COL26A1: variants seen among roughly 807,000 people sequenced by gnomAD.
COL26A1 encodes collagen type XXVI alpha 1 chain, also known as collagen alpha-1(XXVI) chain.
A neutral mutation model predicts 59.3 loss-of-function variants in COL26A1; 41 were observed. That is an observed-to-expected ratio of 0.69 (90% CI 0.54 to 0.90). COL26A1 has a LOEUF of 0.90. Ranked by LOEUF, COL26A1 falls within the 40% of genes least tolerant of loss-of-function variation. The probability of loss-of-function intolerance (pLI) is 0.00; values close to 1 mark genes in which losing one functional copy is unlikely to be tolerated. For synonymous variants in COL26A1, 266 were observed against 256.0 expected, an observed-to-expected ratio of 1.04 and a Z score of -0.37; for missense variants, 612 against 602.3, an observed-to-expected ratio of 1.02 and a Z score of -0.17.
At chr7:101,508,976 G>A (rs900771419) in intron 3 of COL26A1, among the ~76,000 whole-genome samples, 1 of 152,164 alleles carries the variant, frequency 6.6e-6, no homozygotes, top group Non-Finnish European at 1.5e-5. Flanking sequence ...CTGCACTCTA[G>A]TCTGAGTGAG....
At chr7:101,386,190 TTCTGAATTGTGTATCTCC>T (rs1426824916) in intron 1 of COL26A1, among the ~76,000 whole-genome samples, 1 of 151,664 alleles carries the variant, frequency 6.6e-6, no homozygotes, top group Non-Finnish European at 1.5e-5. Context: ...CCAGACTGCA[TTCTGAATTGTGTATCTCC>T]TGCCGAGTGT....
Position 101,366,286 on chromosome 7 carries a change from T to C in COL26A1, c.158+3096T>C, listed in dbSNP as rs1044827641. Among the ~76,000 whole-genome samples, 4 of 152,250 alleles carry C rather than the reference T, an allele frequency of 2.6e-5. No individual in the cohort carries two copies. In the South Asian group the frequency reaches 6.2e-4, roughly 24 times the overall value. On this transcript the variant is annotated intron_variant, in intron 1 of 12. Coordinates refer to ENST00000313669, the MANE Select transcript of COL26A1 (RefSeq NM_001278563.3). ...TGTCTCATGAGCTATCTATCACAAG[T>C]GTCCCTTGTCCTTGAGATCCAAGAT... is the stretch of plus-strand genomic sequence containing the variant.
At chr7:101,472,775 C>A (rs966587011) in intron 3 of COL26A1, among the ~76,000 whole-genome samples, 1 of 148,292 alleles carries the variant, frequency 6.7e-6, no homozygotes, top group African/African-American at 2.5e-5. Flanking sequence ...GTGGCTCTAA[C>A]CCTCACTCCT....
At position 101,489,679 on chromosome 7, in the gene COL26A1, TCC is replaced by T. The variant is rs1491484406; in HGVS notation, c.385+41893_385+41894del. Among the ~76,000 whole-genome samples the T allele has an allele frequency of 1.8e-3, 73 of 39,590 alleles. 5 individuals are homozygous for T. In the African/African-American group the frequency reaches 0.021, roughly 11 times the overall value. The allele number at this position is 39,590 out of a possible 152,430, so 26.0% of individuals were successfully genotyped here. On this transcript the variant is annotated intron_variant, in intron 3 of 12. Coordinates refer to ENST00000313669, the MANE Select transcript of COL26A1 (RefSeq NM_001278563.3). ...TTTCTTTCTTCCTTCCTTCCTTCCT[TCC>T]TTTCTTTCTTTCTTTCTGTCTTTCT... is the stretch of plus-strand genomic sequence containing the variant.
chr7:101,557,424 A>G lies in COL26A1; in HGVS notation c.1220A>G (p.Asn407Ser). The change falls in exon 13 of 13, where the codon AAC (asparagine) becomes AGC (serine). Residue 407 changes from asparagine (N) to serine (S), a missense_variant. Coordinates refer to ENST00000313669, the MANE Select transcript of COL26A1 (RefSeq NM_001278563.3). ...GSGQDAALRA[N>S]LKMKRGGAQP... ...GGCCAGGATGCTGCCCTGAGAGCCA[A>G]CCTCAAGATGAAGAGGGGTGGCGCC... The G allele has an allele frequency of 6.2e-7, 1 of 1,613,778 alleles. No individual in the cohort carries two copies. Among genetic ancestry groups the G allele is most frequent in the East Asian group, 2.2e-5 (1 of 44,876 alleles).
intron 1 of COL26A1, among the ~76,000 whole-genome samples, chr7:101,369,558 C>T (rs1791135584): frequency 6.9e-6 from 1 of 145,710 alleles, no homozygotes; most frequent in Admixed American, 7.0e-5. Context: ...AGGCCATTCT[C>T]CTGCCTCAGC....
At chr7:101,420,742 T>TCAGCCCTTCCCTCTCAC in intron 2 of COL26A1, among the ~76,000 whole-genome samples, 1 of 23,946 alleles carries the variant, frequency 4.2e-5, no homozygotes, top group Admixed American at 5.1e-4. Context: ...CCGCCCATAG[T>TCAGCCCTTCCCTCTCAC]CAGCCCTTCC....
chr7:101,467,348 G>A (rs1002770314), intron 3 of COL26A1, among the ~76,000 whole-genome samples: 17 of 139,510 alleles, frequency 1.2e-4, no homozygotes, highest in African/African-American at 4.0e-4. Context: ...GTTTCATGGC[G>A]AAATGCACAG....
intron 3 of COL26A1, among the ~76,000 whole-genome samples, chr7:101,452,300 G>A (rs1000487778): frequency 6.6e-6 from 1 of 152,158 alleles, no homozygotes; most frequent in Non-Finnish European, 1.5e-5. Flanking sequence ...TGACTGGGAG[G>A]TCCTCACCAC....
At chr7:101,486,594 A>G (rs1435536071) in intron 3 of COL26A1, among the ~76,000 whole-genome samples, 1 of 152,268 alleles carries the variant, frequency 6.6e-6, no homozygotes, top group Non-Finnish European at 1.5e-5. Flanking sequence ...TGCAAAGGCC[A>G]TGCAGTTGTT....
At chr7:101,414,407 G>A (rs895586520) in intron 1 of COL26A1, among the ~76,000 whole-genome samples, 3 of 117,536 alleles carry the variant, frequency 2.6e-5, no homozygotes, top group African/African-American at 8.6e-5. Context: ...TCTCTCTCTC[G>A]CTCGCTCTCG....
chr7:101,547,906 A>G (rs1795775170), intron 8 of COL26A1, among the ~76,000 whole-genome samples: 2 of 152,218 alleles, frequency 1.3e-5, no homozygotes, highest in Admixed American at 6.5e-5. Context: ...TGTGCCAGAC[A>G]GTGATCTAGG....
intron 3 of COL26A1, among the ~76,000 whole-genome samples, chr7:101,532,357 C>T (rs1326104211): frequency 1.3e-5 from 2 of 152,170 alleles, no homozygotes; most frequent in Admixed American, 1.3e-4. Context: ...GACACTGCCA[C>T]AGCCCTTCCC....
At chr7:101,441,407 G>A (rs1793054701) in intron 2 of COL26A1, among the ~76,000 whole-genome samples, 1 of 152,134 alleles carries the variant, frequency 6.6e-6, no homozygotes, top group Non-Finnish European at 1.5e-5. Context: ...TGTCTCCCAG[G>A]TTTAAGCGAT....
intron 4 of COL26A1, among the ~76,000 whole-genome samples, chr7:101,533,750 C>G (rs1300196210): frequency 6.6e-6 from 1 of 152,168 alleles, no homozygotes; most frequent in East Asian, 1.9e-4. Flanking sequence ...CCATCCCACG[C>G]TCCCTCTGGG....
chr7:101,400,207 C>G (rs1006626971), intron 1 of COL26A1, among the ~76,000 whole-genome samples: 1 of 152,010 alleles, frequency 6.6e-6, no homozygotes, highest in East Asian at 1.9e-4. Context: ...GCTAAAGGCC[C>G]AGATGTGGAG....
At position 101,452,689 on chromosome 7, in the gene COL26A1, A is replaced by G. The variant is rs146077963; in HGVS notation, c.385+4902A>G. ...ATGCTGAATTCTGGAGGCATTAGGA[A>G]TATAATGGTAAGTATTTGTGTATAT... is the stretch of plus-strand genomic sequence containing the variant. On this transcript the variant is annotated intron_variant, in intron 3 of 12. Transcript: ENST00000313669. Among the ~76,000 whole-genome samples the G allele has an allele frequency of 2.8e-3, 419 of 152,300 alleles. 1 individual carries two copies. The highest frequency in any genetic ancestry group is 0.014 in the Middle Eastern group (4 of 294).
intron 3 of COL26A1, among the ~76,000 whole-genome samples, chr7:101,463,465 C>A (rs1793661147): frequency 6.6e-6 from 1 of 152,016 alleles, no homozygotes; most frequent in South Asian, 2.1e-4. Context: ...GCTGCCATAA[C>A]CATAGGTTGC....
At chr7:101,553,188 C>T in intron 10 of COL26A1, 138 bp from the exon 11 acceptor site, 1 of 712,002 alleles carries the variant, frequency 1.4e-6, no homozygotes, top group Non-Finnish European at 2.4e-6. Flanking sequence ...GCAGGAGTCC[C>T]CTGGGCCCAG....
Sources: allele counts gnomAD v4.1 joint callset (sites outside exome capture counted in the v4.1 genomes callset), GRCh38; gene constraint gnomAD v4.1.1; transcripts MANE v1.5; gene names NCBI Gene and HGNC (gene_info 2026-07-23, HGNC 2026-07-21).